Variants in HOOK3 observed in about 807,000 individuals in gnomAD.
HOOK3 encodes protein Hook homolog 3.
In HOOK3, 24 loss-of-function variants were observed where a neutral mutation model predicts 116.3. The observed-to-expected ratio is 0.21, with a 90% CI of 0.15 to 0.29. The LOEUF is 0.29. HOOK3 is among the 10% of genes least tolerant of loss of function. The pLI is 1.00. For synonymous variants in HOOK3, 275 were observed against 283.0 expected (o/e 0.97, Z 0.28); for missense variants, 632 against 830.2 (o/e 0.76, Z 2.93).
chr8:42,939,844 G>A (rs1250705349), intron 4 of HOOK3, among the ~76,000 whole-genome samples: 3 of 151,572 alleles, frequency 2.0e-5, no homozygotes, highest in Non-Finnish European at 2.9e-5. Flanking sequence ...CATCCCGGAC[G>A]GGGCGGCAGG....
chr8:43,014,298 A>AAG (rs1463479157), intron 21 of HOOK3, among the ~76,000 whole-genome samples: 2 of 151,614 alleles, frequency 1.3e-5, no homozygotes, highest in African/African-American at 2.4e-5. Flanking sequence ...AAAAAAAAAA[A>AAG]AAAAAAAAAG....
chr8:42,998,611 A>AGGCCGGGCGCGGTGGCT (rs1554515307), intron 16 of HOOK3, among the ~76,000 whole-genome samples: 1 of 152,144 alleles, frequency 6.6e-6, no homozygotes, highest in Non-Finnish European at 1.5e-5. Context: ...ACTTGTGAAT[A>AGGCCGGGCGCGGTGGCT]CTAGATATAG....
At position 42,982,501 on chromosome 8, in the gene HOOK3, G is replaced by C; in HGVS notation, c.1322-126G>C. 7.6e-6 allele frequency: 5 copies of C among 659,742 alleles called. No individual in the cohort carries two copies. The Middle Eastern group carries it at 1.1e-3, about 139-fold the overall frequency. The allele number at this position is 659,742 out of a possible 1,614,324, so 40.9% of individuals were successfully genotyped here. ...TACTTAATAATATTTTAAGACCACT[G>C]TGACGTGGTCCTTTACTTGAAAATG... is the stretch of plus-strand genomic sequence containing the variant. On this transcript the variant is annotated intron_variant, in intron 13 of 21. Transcript: ENST00000307602.
chr8:42,966,460 A>G lies in HOOK3; in HGVS notation c.780-13A>G, dbSNP rs1207963461. 2 of 1,613,518 alleles carry G rather than the reference A, an allele frequency of 1.2e-6. No individual in the cohort carries two copies. Among genetic ancestry groups the G allele is most frequent in the African/African-American group, 1.3e-5 (1 of 74,908 alleles). On this transcript the variant is annotated splice_polypyrimidine_tract_variant and intron_variant, in intron 9 of 21. Transcript: ENST00000307602. ...AAATAGTGCTTTCTTGGTCTATTTT[A>G]TATCGGTTACAGACTAGAAGCAGCC...
chr8:43,004,040 A>G lies in HOOK3; in HGVS notation c.1655+1899A>G, dbSNP rs75624623. Among the ~76,000 whole-genome samples, 894 of 152,262 alleles carry G rather than the reference A, an allele frequency of 5.9e-3. 7 individuals carry two copies. Among genetic ancestry groups the G allele is most frequent in the African/African-American group, 0.02 (851 of 41,542 alleles). On this transcript the variant is annotated intron_variant, in intron 17 of 21. Transcript: ENST00000307602. ...ATTCAGCCCACCACAGGAGCCACAG[A>G]TATCTCCAAATATGGCCAGCCTCAT...
Position 43,024,132 on chromosome 8 carries a change from G to A in HOOK3, c.*5634G>A, listed in dbSNP as rs1453730804. 1 of 205,866 alleles carries A rather than the reference G, an allele frequency of 4.9e-6. No individual in the cohort carries two copies. Among genetic ancestry groups the A allele is most frequent in the Non-Finnish European group, 9.9e-6 (1 of 100,802 alleles). 12.8% of individuals were successfully genotyped at this position (205,866 alleles called of 1,614,324 possible). A position where few individuals can be genotyped will look rare whatever the true frequency, so the allele number is the denominator to read the frequency against. On this transcript the variant is annotated 3_prime_UTR_variant, in exon 22 of 22. Coordinates refer to ENST00000307602, the MANE Select transcript of HOOK3 (RefSeq NM_032410.4). The stretch of plus-strand genomic sequence containing the variant: ...ATAAGAACATCTTTGTTTCTAAAGT[G>A]AGAGGAAAGTGCTTGGTATCTTGCT...
At chr8:42,919,040 C>G (rs567355054) in intron 2 of HOOK3, among the ~76,000 whole-genome samples, 4 of 142,108 alleles carry the variant, frequency 2.8e-5, no homozygotes, top group Admixed American at 2.8e-4. Context: ...GCTGGCCGGG[C>G]GGGGGCTGCC....
At chr8:42,919,825 C>G (rs1402305487) in intron 2 of HOOK3, among the ~76,000 whole-genome samples, 3 of 152,124 alleles carry the variant, frequency 2.0e-5, no homozygotes, top group Admixed American at 2.0e-4. Context: ...GCCTGCAATC[C>G]CAGGCACTCG....
chr8:43,024,682 A>G lies in HOOK3; in HGVS notation c.*6184A>G. 5.3e-6 allele frequency: 1 copy of G among 189,936 alleles called. No homozygotes were observed. The highest frequency in any genetic ancestry group is 6.2e-5 in the Admixed American group (1 of 16,238). 11.8% of individuals were successfully genotyped at this position (189,936 alleles called of 1,614,324 possible). On this transcript the variant is annotated 3_prime_UTR_variant, in exon 22 of 22. Transcript: ENST00000307602. ...TATCTATAAAGAATATTTAAATAAT[A>G]ATTGGTGTATGTTCCTTTTGTTGAA...
chr8:42,996,832 T>C (rs1018243350), intron 15 of HOOK3, among the ~76,000 whole-genome samples: 3 of 152,120 alleles, frequency 2.0e-5, no homozygotes, highest in African/African-American at 7.2e-5. Context: ...TTTATCTGAT[T>C]GTATTTTATT....
intron 10 of HOOK3, among the ~76,000 whole-genome samples, chr8:42,967,717 T>C (rs1224335469): frequency 6.6e-6 from 1 of 152,040 alleles, no homozygotes; most frequent in Non-Finnish European, 1.5e-5. Flanking sequence ...GCTGCTATTC[T>C]GGTGGTCACT....
intron 6 of HOOK3, among the ~76,000 whole-genome samples, chr8:42,951,902 C>G (rs1808350873): frequency 6.6e-6 from 1 of 151,492 alleles, no homozygotes; most frequent in African/African-American, 2.4e-5. Context: ...GATCGCACCA[C>G]TGTACTCCAG....
At chr8:42,945,980 C>T (rs1299184669) in intron 5 of HOOK3, among the ~76,000 whole-genome samples, 2 of 151,968 alleles carry the variant, frequency 1.3e-5, no homozygotes, top group Non-Finnish European at 2.9e-5. Flanking sequence ...TAGCTTTTTT[C>T]TCTATTGACA....
chr8:42,907,967 T>TAA (rs1807346708), intron 2 of HOOK3, among the ~76,000 whole-genome samples: 1 of 151,544 alleles, frequency 6.6e-6, no homozygotes, highest in Non-Finnish European at 1.5e-5. Flanking sequence ...ATGAATACAG[T>TAA]AAAGTTGCAG....
intron 11 of HOOK3, among the ~76,000 whole-genome samples, chr8:42,971,310 A>T (rs1377921608): frequency 6.6e-6 from 1 of 152,182 alleles, no homozygotes; most frequent in Non-Finnish European, 1.5e-5. Flanking sequence ...TCTGTCGCTC[A>T]GGCTAGAGTG....
At chr8:42,980,737 A>G (rs1304549271) in intron 13 of HOOK3, among the ~76,000 whole-genome samples, 1 of 152,050 alleles carries the variant, frequency 6.6e-6, no homozygotes, top group Non-Finnish European at 1.5e-5. Flanking sequence ...TACAAGAACT[A>G]TCTGGGTGTG....
intron 2 of HOOK3, among the ~76,000 whole-genome samples, chr8:42,912,605 A>G (rs1244909154): frequency 1.3e-5 from 2 of 152,090 alleles, no homozygotes; most frequent in Non-Finnish European, 2.9e-5. Context: ...TGTACATTTT[A>G]CAATTTTTAA....
At chr8:42,986,836 C>T in intron 15 of HOOK3, 41 bp downstream of exon 15, 1 of 1,593,922 alleles carries the variant, frequency 6.3e-7, no homozygotes, top group African/African-American at 1.4e-5. Flanking sequence ...ATAAGTTTTC[C>T]CTATTTGCCT....
At chr8:42,959,420 T>A in intron 8 of HOOK3, 106 bp downstream of exon 8, 1 of 716,722 alleles carries the variant, frequency 1.4e-6, no homozygotes, top group Non-Finnish European at 2.3e-6. Flanking sequence ...AACGCAACCC[T>A]TTTTTAGGGA....
Sources: gnomAD v4.1 joint callset for allele counts (sites outside exome capture counted in the v4.1 genomes callset) on GRCh38, gnomAD v4.1.1 for gene constraint, MANE v1.5 for transcripts, NCBI Gene and HGNC (gene_info 2026-07-23, HGNC 2026-07-21) for gene names.